Variants in SLC25A30 observed in about 807,000 individuals in gnomAD.
The protein encoded by SLC25A30 is solute carrier family 25 member 30.
A neutral mutation model predicts 42.7 loss-of-function variants in SLC25A30; 29 were observed. The ratio of observed to expected loss-of-function variants is 0.68; its 90% confidence interval spans 0.51 to 0.93. The LOEUF is 0.93. Among genes scored for constraint, SLC25A30 ranks in the 40% least tolerant of loss-of-function variants. The pLI is 0.00. For synonymous variants in SLC25A30, 124 were observed against 131.0 expected, an observed-to-expected ratio of 0.95 and a Z score of 0.37; for missense variants, 300 against 359.7, an observed-to-expected ratio of 0.83 and a Z score of 1.34.
chr13:45,393,399 A>G lies in SLC25A30; in HGVS notation c.*2575T>C. 1 of 982,244 alleles carries G rather than the reference A, an allele frequency of 1.0e-6. No homozygotes were observed. The highest frequency in any genetic ancestry group is 1.2e-6 in the Non-Finnish European group (1 of 827,044). The allele number at this position is 982,244 out of a possible 1,614,324, so 60.8% of individuals were successfully genotyped here. ...ATATTCCAACAATGTTTAAATAAAG[A>G]GCTTGAAATATAAAGGCTTATGAAA... is the stretch of plus-strand genomic sequence containing the variant. On this transcript the variant is annotated 3_prime_UTR_variant, in exon 10 of 10. Coordinates refer to ENST00000519676, the MANE Select transcript of SLC25A30 (RefSeq NM_001010875.4).
At chr13:45,423,767 A>AAATATATAT in the SLC25A30 span, among the ~76,000 whole-genome samples, 27 of 24,442 alleles carry the variant, frequency 1.1e-3, 1 homozygote, top group East Asian at 7.0e-3. Flanking sequence ...TAAATATATA[A>AAATATATAT]AAATATATAA....
Position 45,395,342 on chromosome 13 carries a change from G to A in SLC25A30, c.*632C>T. On this transcript the variant is annotated 3_prime_UTR_variant, in exon 10 of 10. Transcript: ENST00000519676. Reference sequence around the variant, plus strand: ...CCACGAATTTAGAGATTATTACTTTGTAACAATTTCTCACAAATGTCAAGT... The same window carrying A: ...CCACGAATTTAGAGATTATTACTTTATAACAATTTCTCACAAATGTCAAGT... The A allele has an allele frequency of 1.0e-6, 1 of 986,592 alleles. No individual in the cohort carries two copies. The highest frequency in any genetic ancestry group is 1.2e-6 in the Non-Finnish European group (1 of 830,696). 61.1% of individuals were successfully genotyped at this position (986,592 alleles called of 1,614,324 possible). A position where few individuals can be genotyped will look rare whatever the true frequency, so the allele number is the denominator to read the frequency against.
At chr13:45,413,919 T>G (rs1883250943) in intron 1 of SLC25A30, among the ~76,000 whole-genome samples, 1 of 152,176 alleles carries the variant, frequency 6.6e-6, no homozygotes, top group South Asian at 2.1e-4. Flanking sequence ...AAGTTTTCAG[T>G]TGGTTAGGTT....
chr13:45,429,740 C>T, the SLC25A30 span, among the ~76,000 whole-genome samples: 4 of 151,694 alleles, frequency 2.6e-5, no homozygotes, highest in African/African-American at 9.7e-5. Flanking sequence ...GAGGCTGAGG[C>T]AGGAAGATCA....
the SLC25A30 span, among the ~76,000 whole-genome samples, chr13:45,424,578 AATATATATAAAT>A: frequency 1.9e-4 from 8 of 42,642 alleles, no homozygotes; most frequent in East Asian, 1.1e-3. Flanking sequence ...TAAATATATA[AATATATATAAAT>A]ATATATAAAT....
rs138771993 is a variant in SLC25A30, at chr13:45,412,767, T to C, written c.-55-1287A>G. ...CCTTGCTCACTGTGACATGTACTTA[T>C]GTGCCACAGCTAAGGCCTTTCACAT... is the stretch of plus-strand genomic sequence containing the variant. On this transcript the variant is annotated intron_variant, in intron 1 of 9. Coordinates refer to ENST00000519676, the MANE Select transcript of SLC25A30 (RefSeq NM_001010875.4). 4.6e-3 allele frequency among the ~76,000 whole-genome samples: 696 copies of C among 152,354 alleles called. 3 individuals are homozygous for C. Among genetic ancestry groups the C allele is most frequent in the Non-Finnish European group, 7.2e-3 (493 of 68,032 alleles).
chr13:45,394,402 C>G lies in SLC25A30; in HGVS notation c.*1572G>C. ...TTATCTCATCCTCCAAAAAAACCTG[C>G]AGTCCTTCTATTCAGTCTCAACAAA... On this transcript the variant is annotated 3_prime_UTR_variant, in exon 10 of 10. Coordinates refer to ENST00000519676, the MANE Select transcript of SLC25A30 (RefSeq NM_001010875.4). 1 of 985,366 alleles carries G rather than the reference C, an allele frequency of 1.0e-6. No homozygotes were observed. The highest frequency in any genetic ancestry group is 1.2e-6 in the Non-Finnish European group (1 of 829,922). 61.0% of individuals were successfully genotyped at this position (985,366 alleles called of 1,614,324 possible).
At chr13:45,423,669 A>AAATATATATAAAATATATATAAACGT in the SLC25A30 span, among the ~76,000 whole-genome samples, 2 of 24,322 alleles carry the variant, frequency 8.2e-5, no homozygotes, top group African/African-American at 4.2e-4. Context: ...ATATATATAA[A>AAATATATATAAAATATATATAAACGT]ATACATATTT....
chr13:45,424,793 A>ATTTATATAAATATATAAATATATAT, the SLC25A30 span, among the ~76,000 whole-genome samples: 1 of 50,482 alleles, frequency 2.0e-5, no homozygotes, highest in South Asian at 6.0e-4. Context: ...TATATAAAAG[A>ATTTATATAAATATATAAATATATAT]ATATAAATAT....
In SLC25A30 at chr13:45,394,411, T is replaced by C; in HGVS notation, c.*1563A>G. The stretch of plus-strand genomic sequence containing the variant: ...CCTCCAAAAAAACCTGCAGTCCTTC[T>C]ATTCAGTCTCAACAAAGAGACTGGC... On this transcript the variant is annotated 3_prime_UTR_variant, in exon 10 of 10. Transcript: ENST00000519676. 3 of 985,424 alleles carry C rather than the reference T, an allele frequency of 3.0e-6. No homozygotes were observed. Among genetic ancestry groups the C allele is most frequent in the Non-Finnish European group, 3.6e-6 (3 of 829,932 alleles). 61.0% of individuals were successfully genotyped at this position (985,424 alleles called of 1,614,324 possible). A position where few individuals can be genotyped will look rare whatever the true frequency, so the allele number is the denominator to read the frequency against.
the SLC25A30 span, among the ~76,000 whole-genome samples, chr13:45,425,365 T>A: frequency 9.1e-6 from 1 of 110,290 alleles, no homozygotes; most frequent in Non-Finnish European, 1.7e-5. Flanking sequence ...TAAGTATATG[T>A]ATAAAAATAT....
intron 3 of SLC25A30, among the ~76,000 whole-genome samples, chr13:45,407,896 A>G (rs1188873648): frequency 6.6e-6 from 1 of 152,226 alleles, no homozygotes; most frequent in Non-Finnish European, 1.5e-5. Flanking sequence ...CACCCTAAAT[A>G]GTTTTCTAGC....
rs749617355 is a variant in SLC25A30 at position 45,395,646 on chromosome 13, A to G, written c.*328T>C. 1.7e-6 allele frequency: 2 copies of G among 1,198,600 alleles called. No homozygotes were observed. The highest frequency in any genetic ancestry group is 3.7e-5 in the South Asian group (2 of 53,962). The allele number at this position is 1,198,600 out of a possible 1,614,324, so 74.2% of individuals were successfully genotyped here. On this transcript the variant is annotated 3_prime_UTR_variant, in exon 10 of 10. Coordinates refer to ENST00000519676, the MANE Select transcript of SLC25A30 (RefSeq NM_001010875.4). The stretch of plus-strand genomic sequence containing the variant: ...CATGAGCTGAGATGCATCAGGAGCT[A>G]CTCTCCCTGAATAAAACAATACATC...
the SLC25A30 span, among the ~76,000 whole-genome samples, chr13:45,430,329 A>G: frequency 1.3e-5 from 2 of 152,146 alleles, no homozygotes; most frequent in East Asian, 3.8e-4. Context: ...GGATGTCTCT[A>G]TAGAGACATG....
chr13:45,414,635 T>TAC (rs145462442), intron 1 of SLC25A30, among the ~76,000 whole-genome samples: 42,794 of 139,790 alleles, frequency 0.31, 6,650 homozygotes, highest in East Asian at 0.6. Context: ...CACACACACA[T>TAC]ACACACACAC....
At chr13:45,423,942 TA>T in the SLC25A30 span, among the ~76,000 whole-genome samples, 26,284 of 83,464 alleles carry the variant, frequency 0.31, 4,929 homozygotes, top group Non-Finnish European at 0.4. Context: ...TATAAATATA[TA>T]AAAAAATATA....
At chr13:45,424,825 A>AAAAAATATATATAAAAATATATAT in the SLC25A30 span, among the ~76,000 whole-genome samples, 2 of 45,368 alleles carry the variant, frequency 4.4e-5, no homozygotes, top group Non-Finnish European at 7.6e-5. Flanking sequence ...TAAATATATA[A>AAAAAATATATATAAAAATATATAT]AAATATATAT....
chr13:45,430,425 C>T, the SLC25A30 span, among the ~76,000 whole-genome samples: 1 of 152,094 alleles, frequency 6.6e-6, no homozygotes, highest in Non-Finnish European at 1.5e-5. Flanking sequence ...AAGTAGTTGC[C>T]TCTGGGCATC....
the SLC25A30 span, among the ~76,000 whole-genome samples, chr13:45,423,891 A>G: frequency 1.1e-5 from 1 of 92,128 alleles, no homozygotes; most frequent in Admixed American, 2.0e-4. Flanking sequence ...AAATATATAT[A>G]TAAATATATA....
Sources: allele counts gnomAD v4.1 joint callset (sites outside exome capture counted in the v4.1 genomes callset), GRCh38; gene constraint gnomAD v4.1.1; transcripts MANE v1.5; gene names NCBI Gene and HGNC (gene_info 2026-07-23, HGNC 2026-07-21).